The following TSNAX variants were observed in gnomAD, a reference collection of about 807,000 sequenced individuals.
TSNAX encodes translin associated factor X.
In TSNAX, 12 loss-of-function variants were observed where a neutral mutation model predicts 33.0. The ratio of observed to expected loss-of-function variants is 0.36; its 90% CI spans 0.23 to 0.59. TSNAX has a LOEUF of 0.59. Among genes scored for constraint, TSNAX ranks in the 20% least tolerant of loss-of-function variants. TSNAX has a pLI of 0.74. For synonymous variants in TSNAX, 110 were observed against 117.2 expected, an observed-to-expected ratio of 0.94 and a Z score of 0.40; for missense variants, 267 against 341.3, an observed-to-expected ratio of 0.78 and a Z score of 1.72.
Position 231,542,553 on chromosome 1 carries a change from G to A in TSNAX, c.309G>A (p.Gln103=). The A allele has an allele frequency of 6.2e-7, 1 of 1,614,026 alleles. No homozygotes were observed. The highest frequency in any genetic ancestry group is 2.2e-5 in the East Asian group (1 of 44,832). ...KLDGVRQKIF[Q]VAQELSGEDM... is the part of the protein sequence containing the mutation. ...ATGGTGTCAGACAAAAGATATTCCA[G>A]GTAGCCCAAGAGCTATCAGGGGAAG... Residue 103 remains glutamine, a synonymous_variant, in exon 4 of 6, where the codon CAG becomes CAA. Transcript: ENST00000366639.
chr1:231,543,769 G>A (rs1283624358), intron 4 of TSNAX, among the ~76,000 whole-genome samples: 1 of 152,204 alleles, frequency 6.6e-6, no homozygotes, highest in Non-Finnish European at 1.5e-5. Flanking sequence ...AAACAGTTCT[G>A]TGAGGAGTCA....
intron 4 of TSNAX, among the ~76,000 whole-genome samples, chr1:231,551,489 A>G (rs1375510858): frequency 6.6e-6 from 1 of 152,234 alleles, no homozygotes; most frequent in Non-Finnish European, 1.5e-5. Context: ...GAAATTAAAT[A>G]CATTTATGGA....
Position 231,528,787 on chromosome 1 carries a change from C to G in TSNAX, c.-24C>G. The G allele has an allele frequency of 6.2e-7, 1 of 1,614,138 alleles. No homozygotes were observed. Among genetic ancestry groups the G allele is most frequent in the Non-Finnish European group, 8.5e-7 (1 of 1,180,024 alleles). ...TGCTCCAGGTCCTTCAGTCTCCGCTCGTCTCACCGTAGGCTGTGACGACAT... is the reference window on the plus strand; with the variant it reads ...TGCTCCAGGTCCTTCAGTCTCCGCTGGTCTCACCGTAGGCTGTGACGACAT... On this transcript the variant is annotated 5_prime_UTR_variant, in exon 1 of 6. Transcript: ENST00000366639.
chr1:231,547,025 C>T (rs1239139520), intron 4 of TSNAX, among the ~76,000 whole-genome samples: 1 of 152,152 alleles, frequency 6.6e-6, no homozygotes, highest in African/African-American at 2.4e-5. Context: ...CCAAGGAAAG[C>T]AAAATATGTT....
chr1:231,533,989 C>G (rs1462854023), intron 2 of TSNAX: 2 of 152,126 alleles, frequency 1.3e-5, no homozygotes, highest in Non-Finnish European at 2.9e-5. Context: ...TTTTTTCTCT[C>G]TAGTCCAGTA....
chr1:231,530,069 A>C (rs906324707), intron 2 of TSNAX, among the ~76,000 whole-genome samples: 13 of 152,338 alleles, frequency 8.5e-5, no homozygotes, highest in African/African-American at 2.6e-4. Flanking sequence ...TCCTGTCCAC[A>C]TGAACTTCTT....
In TSNAX at chr1:231,537,033, G is replaced by A. The variant is rs890586723; in HGVS notation, c.122-180G>A. 34 of 420,546 alleles carry A rather than the reference G, an allele frequency of 8.1e-5. No individual in the cohort carries two copies. The South Asian group carries it at 8.5e-4, about 10-fold the overall frequency. 26.1% of individuals were successfully genotyped at this position (420,546 alleles called of 1,614,324 possible). On this transcript the variant is annotated intron_variant, in intron 2 of 5. Coordinates refer to ENST00000366639, the MANE Select transcript of TSNAX (RefSeq NM_005999.3). ...TTTTTAGTAGAGACGGGGTTTCACCGTCTAGGCCAGGATGGTCTTGATCTC... is the reference window on the plus strand; with the variant it reads ...TTTTTAGTAGAGACGGGGTTTCACCATCTAGGCCAGGATGGTCTTGATCTC...
At chr1:231,560,980 C>T (rs758109622) in intron 4 of TSNAX, 148 bp from the exon 5 acceptor site, 116 of 731,330 alleles carry the variant, frequency 1.6e-4, no homozygotes, top group Admixed American at 5.3e-4. Flanking sequence ...TCTTTCTATT[C>T]TAAGTGTCTA....
chr1:231,545,816 C>G (rs570531852), intron 4 of TSNAX, among the ~76,000 whole-genome samples: 2 of 152,266 alleles, frequency 1.3e-5, no homozygotes, highest in Admixed American at 6.5e-5. Flanking sequence ...TTTATATTCA[C>G]AATCTCATAG....
rs200668273 is a variant in TSNAX at position 231,548,910 on chromosome 1, T to A, written c.367+6299T>A. ...GGCTGGGAACCTTAACTAAAGGAAATACAATATAATATTTAAGCGAATAAT... is the reference window on the plus strand; with the variant it reads ...GGCTGGGAACCTTAACTAAAGGAAAAACAATATAATATTTAAGCGAATAAT... On this transcript the variant is annotated intron_variant, in intron 4 of 5. Coordinates refer to ENST00000366639, the MANE Select transcript of TSNAX (RefSeq NM_005999.3). Among the ~76,000 whole-genome samples the A allele has an allele frequency of 6.1e-3, 931 of 152,236 alleles. 7 individuals carry two copies. Among genetic ancestry groups the A allele is most frequent in the African/African-American group, 0.021 (879 of 41,548 alleles).
Position 231,564,630 on chromosome 1 carries a change from C to A in TSNAX, c.598C>A (p.Arg200=), listed in dbSNP as rs778015919. Residue 200 remains arginine, a synonymous_variant, in exon 6 of 6, where the codon CGG becomes AGG. Transcript: ENST00000366639. ...GVADLTGELM[R]MCINSVGNGD... ...GGCTGACTTAACTGGAGAATTGATG[C>A]GGATGTGTATTAACAGTGTGGGGAA... 1 of 1,614,014 alleles carries A rather than the reference C, an allele frequency of 6.2e-7. No individual in the cohort carries two copies. The highest frequency in any genetic ancestry group is 8.5e-7 in the Non-Finnish European group (1 of 1,180,012).
chr1:231,555,179 G>A (rs777777094), intron 4 of TSNAX, among the ~76,000 whole-genome samples: 6 of 152,186 alleles, frequency 3.9e-5, no homozygotes, highest in Non-Finnish European at 8.8e-5. Flanking sequence ...ATAGATGAGT[G>A]AATAAACAAA....
chr1:231,538,560 G>A (rs890787297), intron 3 of TSNAX, among the ~76,000 whole-genome samples: 22 of 152,168 alleles, frequency 1.4e-4, no homozygotes, highest in African/African-American at 5.3e-4. Flanking sequence ...CAGCTTACGT[G>A]TTTTAGTCCA....
intron 3 of TSNAX, among the ~76,000 whole-genome samples, chr1:231,542,049 G>A (rs564083565): frequency 6.6e-4 from 101 of 152,150 alleles, no homozygotes; most frequent in Non-Finnish European, 8.5e-4. Context: ...CAGGCAATAA[G>A]ATGGGGCAGT....
intron 4 of TSNAX, among the ~76,000 whole-genome samples, chr1:231,560,018 C>T (rs1037661663): frequency 2.0e-4 from 30 of 150,942 alleles, no homozygotes; most frequent in African/African-American, 5.3e-4. Context: ...CTCGCTCTGC[C>T]GCCTAGGCCG....
intron 4 of TSNAX, among the ~76,000 whole-genome samples, chr1:231,557,502 T>C (rs1660769507): frequency 6.6e-6 from 1 of 152,112 alleles, no homozygotes; most frequent in Non-Finnish European, 1.5e-5. Flanking sequence ...TTGAAGTAGG[T>C]TGAGAAGTGT....
intron 4 of TSNAX, among the ~76,000 whole-genome samples, chr1:231,544,709 T>C (rs1277572375): frequency 6.6e-6 from 1 of 152,212 alleles, no homozygotes; most frequent in Non-Finnish European, 1.5e-5. Context: ...GCCAAGGCCA[T>C]ATAGATAATG....
intron 5 of TSNAX, among the ~76,000 whole-genome samples, 189 bp downstream of exon 5, chr1:231,561,444 T>C (rs1661108011): frequency 6.6e-6 from 1 of 152,222 alleles, no homozygotes; most frequent in African/African-American, 2.4e-5. Flanking sequence ...AGAACAACTC[T>C]GGGCATATTG....
intron 4 of TSNAX, among the ~76,000 whole-genome samples, chr1:231,560,225 C>G (rs909919504): frequency 6.6e-6 from 1 of 151,696 alleles, no homozygotes; most frequent in African/African-American, 2.4e-5. Flanking sequence ...GTGATCCACC[C>G]GCCTGGGCCT....
Sources: allele counts gnomAD v4.1 joint callset (sites outside exome capture counted in the v4.1 genomes callset), GRCh38; gene constraint gnomAD v4.1.1; transcripts MANE v1.5; gene names NCBI Gene and HGNC (gene_info 2026-07-23, HGNC 2026-07-21).